FER: variants seen among roughly 807,000 people sequenced by gnomAD.
The protein encoded by FER is tyrosine-protein kinase Fer.
Under a neutral mutation model 111.0 loss-of-function variants are expected in FER, and 63 were observed. The observed-to-expected ratio is 0.57, with a 90% CI of 0.46 to 0.70. The LOEUF is 0.70. Ranked by LOEUF, FER falls within the 30% of genes least tolerant of loss-of-function variation. The pLI is 0.00. For synonymous variants in FER, 327 were observed against 313.9 expected (o/e 1.04, Z -0.44); for missense variants, 914 against 954.0 (o/e 0.96, Z 0.55).
chr5:108,945,702 G>GT (rs139597700), intron 10 of FER, among the ~76,000 whole-genome samples: 1,583 of 149,984 alleles, frequency 0.011, 22 homozygotes, highest in African/African-American at 0.036. Context: ...TTTTATTCCT[G>GT]TTTTTTTTTG....
chr5:109,102,910 C>A (rs1748430770), intron 17 of FER, among the ~76,000 whole-genome samples: 2 of 151,846 alleles, frequency 1.3e-5, no homozygotes, highest in African/African-American at 4.8e-5. Flanking sequence ...TATGTGCCAG[C>A]CTACATAGTT....
chr5:108,897,132 C>A (rs1001751615), intron 9 of FER, among the ~76,000 whole-genome samples: 4 of 152,168 alleles, frequency 2.6e-5, no homozygotes, highest in Non-Finnish European at 2.9e-5. Flanking sequence ...TTTACTCATT[C>A]CTCCAGTTAC....
chr5:108,885,623 G>A (rs570475468), intron 9 of FER, among the ~76,000 whole-genome samples: 1 of 151,828 alleles, frequency 6.6e-6, no homozygotes, highest in Admixed American at 6.6e-5. Flanking sequence ...GAGGGTAAGA[G>A]CTCCCCGGGA....
At position 109,133,605 on chromosome 5, in the gene FER, AAAAG is replaced by A. The variant is rs1467391129; in HGVS notation, c.2048+33091_2048+33094del. Reference sequence around the variant, plus strand: ...ACAGTTACCTGTATCTCTGGGATAAAAAAGAAAGCACATTTGACTATTTGAAAAA... The same window carrying A: ...ACAGTTACCTGTATCTCTGGGATAAAAAAGCACATTTGACTATTTGAAAAA... On this transcript the variant is annotated intron_variant, in intron 17 of 19. Coordinates refer to ENST00000281092, the MANE Select transcript of FER (RefSeq NM_005246.4). Among the ~76,000 whole-genome samples, 7 of 152,168 alleles carry A rather than the reference AAAAG, an allele frequency of 4.6e-5. No individual in the cohort carries two copies. The East Asian group carries it at 1.3e-3, about 29-fold the overall frequency.
rs546616465 is a variant in FER, at chr5:109,181,521, GAAA to G, written c.2203+627_2203+629del. Among the ~76,000 whole-genome samples, 95 of 150,218 alleles carry G rather than the reference GAAA, an allele frequency of 6.3e-4. 2 individuals are homozygous for G. Among genetic ancestry groups the G allele is most frequent in the African/African-American group, 2.2e-3 (91 of 41,052 alleles). On this transcript the variant is annotated intron_variant, in intron 18 of 19. Coordinates refer to ENST00000281092, the MANE Select transcript of FER (RefSeq NM_005246.4). Reference sequence around the variant, plus strand: ...TGGATGACAACTCAAGAATTTAAGAGAAAAAAAAAGTGTGCTTTAAATAAAATT... The same window carrying G: ...TGGATGACAACTCAAGAATTTAAGAGAAAAAAGTGTGCTTTAAATAAAATT...
intron 5 of FER, among the ~76,000 whole-genome samples, chr5:108,853,078 A>G (rs1035234076): frequency 2.6e-5 from 4 of 152,162 alleles, no homozygotes; most frequent in Non-Finnish European, 1.5e-5. Context: ...CTTCTTTGCA[A>G]TATTAGTTTT....
chr5:109,083,425 G>C (rs1161689952), intron 16 of FER, among the ~76,000 whole-genome samples: 8 of 151,910 alleles, frequency 5.3e-5, no homozygotes, highest in Admixed American at 2.6e-4. Flanking sequence ...GGCTATTATT[G>C]TTCAGCCTAC....
At chr5:109,115,981 A>G (rs74657594) in intron 17 of FER, among the ~76,000 whole-genome samples, 1,579 of 152,226 alleles carry the variant, frequency 0.01, 22 homozygotes, top group African/African-American at 0.036. Context: ...ATAAAAGAAG[A>G]TGTGAGACAT....
chr5:109,162,877 C>T (rs1050626093), intron 17 of FER, among the ~76,000 whole-genome samples: 2 of 151,724 alleles, frequency 1.3e-5, no homozygotes, highest in Non-Finnish European at 2.9e-5. Flanking sequence ...ACTATAAATA[C>T]AATAAAATGC....
At chr5:108,927,013 C>T (rs1407709253) in intron 10 of FER, among the ~76,000 whole-genome samples, 1 of 152,046 alleles carries the variant, frequency 6.6e-6, no homozygotes, top group Non-Finnish European at 1.5e-5. Flanking sequence ...GCCCCTCAAG[C>T]TGCTTTTCTG....
At chr5:109,024,185 C>T (rs114893089) in intron 13 of FER, among the ~76,000 whole-genome samples, 6,934 of 152,246 alleles carry the variant, frequency 0.046, 251 homozygotes, top group South Asian at 0.11. Flanking sequence ...ACTATTTCTG[C>T]AGTGCTGTAG....
At chr5:109,048,966 C>T (rs937985199) in intron 16 of FER, among the ~76,000 whole-genome samples, 15 of 152,010 alleles carry the variant, frequency 9.9e-5, no homozygotes, top group African/African-American at 3.6e-4. Flanking sequence ...TATTCAACCG[C>T]AACTTTATTT....
chr5:108,909,545 A>T (rs764175786), intron 10 of FER, among the ~76,000 whole-genome samples: 21 of 152,158 alleles, frequency 1.4e-4, no homozygotes, highest in Non-Finnish European at 2.9e-4. Flanking sequence ...TTACACTTCT[A>T]TTCTATATTT....
chr5:109,128,896 A>G (rs1368297683), intron 17 of FER, among the ~76,000 whole-genome samples: 1 of 152,100 alleles, frequency 6.6e-6, no homozygotes, highest in Non-Finnish European at 1.5e-5. Context: ...AAGGATGAAA[A>G]AGAACTTTCC....
intron 13 of FER, among the ~76,000 whole-genome samples, chr5:108,972,335 A>G (rs1221714000): frequency 6.6e-6 from 1 of 151,944 alleles, no homozygotes; most frequent in Non-Finnish European, 1.5e-5. Flanking sequence ...CAACCCACAT[A>G]ACCCCTTATT....
At chr5:108,899,623 C>A (rs757405999) in intron 10 of FER, among the ~76,000 whole-genome samples, 92 of 151,616 alleles carry the variant, frequency 6.1e-4, no homozygotes, top group Non-Finnish European at 1.1e-3. Context: ...ATGGTGAAAC[C>A]CTGTCTCTAC....
intron 17 of FER, among the ~76,000 whole-genome samples, chr5:109,172,499 G>GGGGAGGGATAGCATT (rs1757236807): frequency 1.3e-5 from 1 of 77,758 alleles, no homozygotes; most frequent in African/African-American, 5.0e-5. Flanking sequence ...TGGGGGGAGG[G>GGGGAGGGATAGCATT]GGGAGGGATA....
rs577234494 is a variant in FER at position 109,020,346 on chromosome 5, C to T, written c.1657-17076C>T. ...ATATATAATAAAGCATAAATTTGGC[C>T]CATCTCACTGGTCTCTACCACAGTT... On this transcript the variant is annotated intron_variant, in intron 13 of 19. Transcript: ENST00000281092. 1.3e-4 allele frequency among the ~76,000 whole-genome samples: 19 copies of T among 151,840 alleles called. No homozygotes were observed. The South Asian group carries it at 2.1e-3, about 17-fold the overall frequency.
intron 17 of FER, among the ~76,000 whole-genome samples, chr5:109,134,819 T>C (rs1207846909): frequency 6.6e-6 from 1 of 152,132 alleles, no homozygotes; most frequent in Non-Finnish European, 1.5e-5. Context: ...GATTAATACA[T>C]AGGAAGAATG....
Sources: gnomAD v4.1 joint callset for allele counts (sites outside exome capture counted in the v4.1 genomes callset) on GRCh38, gnomAD v4.1.1 for gene constraint, MANE v1.5 for transcripts, NCBI Gene and HGNC (gene_info 2026-07-23, HGNC 2026-07-21) for gene names.